PDE7B: variants seen among roughly 807,000 people sequenced by gnomAD.
The protein encoded by PDE7B is 3',5'-cyclic-AMP phosphodiesterase 7B.
A neutral mutation model predicts 56.2 loss-of-function variants in PDE7B; 29 were observed. That is an observed-to-expected ratio of 0.52 (90% CI 0.38 to 0.70). The LOEUF (loss-of-function observed/expected upper bound fraction) is 0.70. PDE7B is among the 30% of genes least tolerant of loss of function. PDE7B has a pLI of 0.00. For synonymous variants in PDE7B, 197 were observed against 196.9 expected (o/e 1.00, Z 0.00); for missense variants, 490 against 565.0 (o/e 0.87, Z 1.35).
chr6:136,141,205 C>A (rs1778318825), intron 3 of PDE7B, among the ~76,000 whole-genome samples: 1 of 152,178 alleles, frequency 6.6e-6, no homozygotes, highest in Non-Finnish European at 1.5e-5. Flanking sequence ...AAGGCCTTTT[C>A]TGCGTCTATT....
At chr6:135,974,600 T>G (rs1382297481) in intron 2 of PDE7B, among the ~76,000 whole-genome samples, 3 of 152,250 alleles carry the variant, frequency 2.0e-5, no homozygotes, top group African/African-American at 4.8e-5. Context: ...GCATGTGCAA[T>G]TCTCTGACTC....
At chr6:136,009,250 G>T (rs962944180) in intron 2 of PDE7B, among the ~76,000 whole-genome samples, 2 of 151,842 alleles carry the variant, frequency 1.3e-5, no homozygotes, top group African/African-American at 4.8e-5. Context: ...TTGTAGTATA[G>T]TTTGAAGTCA....
chr6:136,070,140 C>T (rs992856498), intron 2 of PDE7B: 12 of 149,386 alleles, frequency 8.0e-5, no homozygotes, highest in African/African-American at 3.0e-4. Flanking sequence ...AGTATGAAAG[C>T]CTATATAAAA....
chr6:136,000,741 G>C (rs1423969321), intron 2 of PDE7B, among the ~76,000 whole-genome samples: 1 of 152,194 alleles, frequency 6.6e-6, no homozygotes, highest in Admixed American at 6.5e-5. Flanking sequence ...AGGCCTGCCT[G>C]CCTCTGTAGG....
rs184106963 is a variant in PDE7B at position 135,887,921 on chromosome 6, A to C, written c.21+35902A>C. The stretch of plus-strand genomic sequence containing the variant: ...TTCCCCTGTAATCCAATCATGATTT[A>C]CCTTTTGACAGTTTACTCCCTACTA... On this transcript the variant is annotated intron_variant, in intron 1 of 12. Transcript: ENST00000308191. Among the ~76,000 whole-genome samples the C allele has an allele frequency of 1.2e-3, 182 of 152,180 alleles. 1 individual carries two copies. Among genetic ancestry groups the C allele is most frequent in the Middle Eastern group, 0.01 (3 of 294 alleles).
intron 3 of PDE7B, among the ~76,000 whole-genome samples, chr6:136,139,658 C>T (rs1778282769): frequency 6.6e-6 from 1 of 152,168 alleles, no homozygotes; most frequent in Non-Finnish European, 1.5e-5. Context: ...TAACTATCGC[C>T]ATTCTAACTG....
intron 1 of PDE7B, among the ~76,000 whole-genome samples, chr6:135,860,517 G>T (rs1775125411): frequency 6.6e-6 from 1 of 151,974 alleles, no homozygotes; most frequent in Non-Finnish European, 1.5e-5. Flanking sequence ...AGAGTGCATT[G>T]ATCAACAGTG....
At chr6:136,138,560 T>C (rs183309737) in intron 3 of PDE7B, among the ~76,000 whole-genome samples, 125 of 152,266 alleles carry the variant, frequency 8.2e-4, no homozygotes, top group Middle Eastern at 3.4e-3. Context: ...GAAAGCTACC[T>C]TGAGGATTTT....
intron 2 of PDE7B, among the ~76,000 whole-genome samples, chr6:136,090,067 T>C (rs753015632): frequency 5.9e-5 from 9 of 151,978 alleles, no homozygotes; most frequent in Non-Finnish European, 1.3e-4. Flanking sequence ...TTGTTGTGGG[T>C]TTTTTTTCAG....
intron 1 of PDE7B, among the ~76,000 whole-genome samples, chr6:135,908,105 T>C (rs1295734509): frequency 6.6e-6 from 1 of 151,744 alleles, no homozygotes; most frequent in East Asian, 1.9e-4. Flanking sequence ...TTTTTTTTCT[T>C]GAGACGGAGT....
At chr6:135,911,333 G>A (rs1562435931) in intron 1 of PDE7B, among the ~76,000 whole-genome samples, 1 of 152,144 alleles carries the variant, frequency 6.6e-6, no homozygotes, top group Non-Finnish European at 1.5e-5. Context: ...TTTCTTCAGT[G>A]ACCAACTGGA....
At chr6:135,906,827 T>TTTTTTTTGTTTTTTTTTTG (rs1776121817) in intron 1 of PDE7B, among the ~76,000 whole-genome samples, 1 of 133,454 alleles carries the variant, frequency 7.5e-6, no homozygotes, top group South Asian at 2.7e-4. Context: ...TTTTTTTTTT[T>TTTTTTTTGTTTTTTTTTTG]TTTTTTTTTA....
intron 8 of PDE7B, among the ~76,000 whole-genome samples, chr6:136,171,095 G>A (rs1778870958): frequency 6.6e-6 from 1 of 152,082 alleles, no homozygotes; most frequent in Non-Finnish European, 1.5e-5. Context: ...GAAGTCAATG[G>A]TACAGACATA....
At chr6:136,125,816 C>T (rs1227916277) in intron 3 of PDE7B, among the ~76,000 whole-genome samples, 2 of 152,010 alleles carry the variant, frequency 1.3e-5, no homozygotes, top group African/African-American at 2.4e-5. Flanking sequence ...GAACCCATTA[C>T]ACAACAGCCT....
At chr6:136,155,060 G>T (rs2128447740) in intron 7 of PDE7B, among the ~76,000 whole-genome samples, 1 of 152,116 alleles carries the variant, frequency 6.6e-6, no homozygotes, top group East Asian at 1.9e-4. Flanking sequence ...AGTTAGTATT[G>T]GATTCCCGTG....
intron 3 of PDE7B, among the ~76,000 whole-genome samples, chr6:136,122,697 A>G (rs971620424): frequency 6.6e-6 from 1 of 152,220 alleles, no homozygotes; most frequent in African/African-American, 2.4e-5. Flanking sequence ...CTTTATATGT[A>G]TAACATTATT....
intron 1 of PDE7B, among the ~76,000 whole-genome samples, chr6:135,914,766 G>T (rs1163677104): frequency 2.0e-5 from 1 of 50,870 alleles, no homozygotes; most frequent in Admixed American, 1.7e-4. Context: ...TGGGATTACA[G>T]GCGTGAGCCA....
chr6:136,098,228 G>A (rs1407416240), intron 2 of PDE7B, among the ~76,000 whole-genome samples: 1 of 150,042 alleles, frequency 6.7e-6, no homozygotes, highest in Non-Finnish European at 1.5e-5. Flanking sequence ...GGCAAAGAAA[G>A]GAAAGGAAGA....
At chr6:136,050,965 C>T (rs1776614507) in intron 2 of PDE7B, among the ~76,000 whole-genome samples, 1 of 152,120 alleles carries the variant, frequency 6.6e-6, no homozygotes. Context: ...CCGTTCAGAG[C>T]CTGTCTGTTT....
Sources: allele counts gnomAD v4.1 joint callset (sites outside exome capture counted in the v4.1 genomes callset), GRCh38; gene constraint gnomAD v4.1.1; transcripts MANE v1.5; gene names NCBI Gene and HGNC (gene_info 2026-07-23, HGNC 2026-07-21).